Variants in ZKSCAN4 observed in about 807,000 individuals in gnomAD.
ZKSCAN4 encodes the protein zinc finger with KRAB and SCAN domains 4, also known as zinc finger protein with KRAB and SCAN domains 4.
In ZKSCAN4, 23 loss-of-function variants were observed where a neutral mutation model predicts 30.8. The ratio of observed to expected loss-of-function variants is 0.75; its 90% CI spans 0.54 to 1.06. The LOEUF (loss-of-function observed/expected upper bound fraction) is 1.06, where lower values mean the gene tolerates loss of function less well. Among genes scored for constraint, ZKSCAN4 ranks in the 50% least tolerant of loss-of-function variants. The probability of loss-of-function intolerance (pLI) is 0.00; values close to 1 mark genes in which losing one functional copy is unlikely to be tolerated. For missense variants in ZKSCAN4, 556 were observed against 665.4 expected (o/e 0.84, Z 1.81); for synonymous variants, 208 against 252.5 (o/e 0.82, Z 1.67).
chr6:28,258,150 A>T, the ZKSCAN4 span, among the ~76,000 whole-genome samples: 1 of 152,166 alleles, frequency 6.6e-6, no homozygotes. Context: ...ATTCAATTTA[A>T]TTTCCCCCAT....
In ZKSCAN4 at chr6:28,251,898, T is replaced by A. The variant is rs770425503; in HGVS notation, c.83A>T (p.Glu28Val). Residue 28 changes from glutamate (E) to valine (V), a missense_variant, in exon 1 of 5, where the codon GAG becomes GTG. Physicochemically the swap from Glu to Val is moderately radical, Grantham distance 121. This residue lies in a region of ZKSCAN4 where 115 missense variants were observed against 125.9 expected (regional missense o/e 0.91). Coordinates refer to ENST00000377294, the MANE Select transcript of ZKSCAN4 (RefSeq NM_019110.5). This position sits in a 1 kb window ranked among gnomAD's most constrained non-coding sequence, Gnocchi z 4.5. ...CGTCAAGGCGGAGGCTTCCTCCTTC[T>A]CCACCTTCACGGTCAGGAGCCCCGT... Reference protein sequence around the residue: ...DQTGLLTVKVEKEEASALTAE... With the variant: ...DQTGLLTVKVVKEEASALTAE... The A allele has an allele frequency of 1.9e-6, 3 of 1,539,122 alleles. No homozygotes were observed. Among genetic ancestry groups the A allele is most frequent in the Non-Finnish European group, 2.6e-6 (3 of 1,149,012 alleles).
upstream of ZKSCAN4, among the ~76,000 whole-genome samples, chr6:28,254,547 C>T (rs1371443712): frequency 6.6e-6 from 1 of 152,162 alleles, no homozygotes; most frequent in African/African-American, 2.4e-5. Context: ...CTGCCTCCTA[C>T]CTCATTCCTC....
Position 28,249,775 on chromosome 6 carries a change from T to C in ZKSCAN4, c.483A>G (p.Gln161=). ...LLCCKMALLT[Q]TQGSQSSQCQ... ...ACTGGCTACTTTGAGACCCTTGAGT[T>C]TGTGTCAATAGTGCCATCTTGCAAC... The change falls in exon 2 of 5, where the codon CAA becomes CAG. Residue 161 remains glutamine (Q), a synonymous_variant. Coordinates refer to ENST00000377294, the MANE Select transcript of ZKSCAN4 (RefSeq NM_019110.5). The surrounding 1 kb of genome is among the most constrained non-coding windows in gnomAD (Gnocchi z 4.1). The C allele has an allele frequency of 1.9e-6, 3 of 1,614,110 alleles. No homozygotes were observed. Among genetic ancestry groups the C allele is most frequent in the Non-Finnish European group, 2.5e-6 (3 of 1,180,016 alleles).
In ZKSCAN4 at chr6:28,251,453, A is replaced by T; in HGVS notation, c.423+105T>A. 6.3e-7 allele frequency: 1 copy of T among 1,585,004 alleles called. No individual in the cohort carries two copies. The highest frequency in any genetic ancestry group is 1.1e-5 in the South Asian group (1 of 87,950). On this transcript the variant is annotated intron_variant, in intron 1 of 4. Coordinates refer to ENST00000377294, the MANE Select transcript of ZKSCAN4 (RefSeq NM_019110.5). This position sits in a 1 kb window ranked among gnomAD's most constrained non-coding sequence, Gnocchi z 4.5. ...TGCCAAGGAGGTTCACAGTACAAAA[A>T]GAGATGAAGAACTCCTGGACCTTAA...
the ZKSCAN4 span, among the ~76,000 whole-genome samples, chr6:28,258,272 C>T: frequency 6.6e-6 from 1 of 152,208 alleles, no homozygotes; most frequent in East Asian, 1.9e-4. Flanking sequence ...GATGTTAATG[C>T]CTATTTACAT....
At chr6:28,258,790 G>A in the ZKSCAN4 span, among the ~76,000 whole-genome samples, 1 of 149,576 alleles carries the variant, frequency 6.7e-6, no homozygotes, top group South Asian at 2.1e-4. Flanking sequence ...AAAAAAGTAC[G>A]ACTTTGGCCT....
chr6:28,245,352 A>C lies in ZKSCAN4; in HGVS notation c.1402T>G (p.Trp468Gly). The change falls in exon 5 of 5, where the codon TGG becomes GGG. Residue 468 changes from tryptophan to glycine, a missense_variant. Physicochemically the swap from Trp to Gly is radical, Grantham distance 184 (BLOSUM62 -2). Coordinates refer to ENST00000377294, the MANE Select transcript of ZKSCAN4 (RefSeq NM_019110.5). Reference sequence around the variant, plus strand: ...CTTTCCGTCCTACCCTGACTTTCCCAGGACTCCCCGTGCTCAGGATTCTGA... The same window carrying C: ...CTTTCCGTCCTACCCTGACTTTCCCCGGACTCCCCGTGCTCAGGATTCTGA... ...NVQNPEHGES[W>G]ESQGRTESQW... The C allele has an allele frequency of 6.2e-7, 1 of 1,614,190 alleles. No individual in the cohort carries two copies. Among genetic ancestry groups the C allele is most frequent in the Non-Finnish European group, 8.5e-7 (1 of 1,180,028 alleles).
Position 28,244,066 on chromosome 6 carries a change from A to C in ZKSCAN4, c.*1050T>G, listed in dbSNP as rs187476230. On this transcript the variant is annotated 3_prime_UTR_variant, in exon 5 of 5. Transcript: ENST00000377294. Reference sequence around the variant, plus strand: ...TCCCCAACTGACAGGGCAGTTTTGAAACCATGAATAATAATTATAAATATT... The same window carrying C: ...TCCCCAACTGACAGGGCAGTTTTGACACCATGAATAATAATTATAAATATT... Among the ~76,000 whole-genome samples the C allele has an allele frequency of 3.9e-3, 587 of 152,314 alleles. 3 individuals are homozygous for C. Among genetic ancestry groups the C allele is most frequent in the Middle Eastern group, 0.01 (3 of 294 alleles).
chr6:28,247,761 G>A (rs1232529979), intron 3 of ZKSCAN4, among the ~76,000 whole-genome samples: 1 of 152,200 alleles, frequency 6.6e-6, no homozygotes, highest in African/African-American at 2.4e-5. Flanking sequence ...GTTTGCTTTT[G>A]CGGAACTGCC....
rs549028331 is a variant in ZKSCAN4, at chr6:28,244,153, G to A, written c.*963C>T. On this transcript the variant is annotated 3_prime_UTR_variant, in exon 5 of 5. Coordinates refer to ENST00000377294, the MANE Select transcript of ZKSCAN4 (RefSeq NM_019110.5). ...TAGCTGGCATAAGCCTTGATGCACA[G>A]TCAGCTATAAACTGGGGAAGAGGGA... Among the ~76,000 whole-genome samples the A allele has an allele frequency of 6.6e-6, 1 of 152,296 alleles. No individual in the cohort carries two copies. Among genetic ancestry groups the A allele is most frequent in the Admixed American group, 6.5e-5 (1 of 15,308 alleles).
At position 28,251,454 on chromosome 6, in the gene ZKSCAN4, G is replaced by C. The variant is rs1192380475; in HGVS notation, c.423+104C>G. On this transcript the variant is annotated intron_variant, in intron 1 of 4. Transcript: ENST00000377294. The surrounding 1 kb of genome is among the most constrained non-coding windows in gnomAD (Gnocchi z 4.5). The stretch of plus-strand genomic sequence containing the variant: ...GCCAAGGAGGTTCACAGTACAAAAA[G>C]AGATGAAGAACTCCTGGACCTTAAA... The C allele has an allele frequency of 4.4e-6, 7 of 1,586,456 alleles. No homozygotes were observed. The highest frequency in any genetic ancestry group is 3.3e-4 in the Middle Eastern group (2 of 6,046).
chr6:28,247,493 A>G (rs554394020), intron 3 of ZKSCAN4, among the ~76,000 whole-genome samples: 11 of 98,914 alleles, frequency 1.1e-4, no homozygotes, highest in African/African-American at 5.1e-4. Flanking sequence ...AAATTAGGGG[A>G]AAAAAAGGAT....
At chr6:28,254,966 C>T (rs1227553451), upstream of ZKSCAN4, among the ~76,000 whole-genome samples, 2 of 152,156 alleles carry the variant, frequency 1.3e-5, no homozygotes, top group East Asian at 1.9e-4. Context: ...ATATGTAACC[C>T]GGTATCTTGC....
chr6:28,248,002 T>C, intron 3 of ZKSCAN4, 65 bp downstream of exon 3: 1 of 1,243,152 alleles, frequency 8.0e-7, no homozygotes, highest in Non-Finnish European at 1.1e-6. Flanking sequence ...GGGAGGAACT[T>C]AATGCGGAGC....
At chr6:28,247,138 C>G in intron 3 of ZKSCAN4, 46 bp from the exon 4 acceptor site, 1 of 1,527,010 alleles carries the variant, frequency 6.5e-7, no homozygotes, top group Non-Finnish European at 8.8e-7. Context: ...CCCAAAATTA[C>G]CCCCAAAGCA....
chr6:28,250,527 G>A (rs1010393013), intron 1 of ZKSCAN4, among the ~76,000 whole-genome samples: 37 of 140,002 alleles, frequency 2.6e-4, no homozygotes, highest in Non-Finnish European at 5.1e-4. Context: ...AAACCCTTTG[G>A]ACACTGGTGC....
rs1389331474 is a variant in ZKSCAN4, at chr6:28,251,157, C to T, written c.423+401G>A. On this transcript the variant is annotated intron_variant, in intron 1 of 4. Coordinates refer to ENST00000377294, the MANE Select transcript of ZKSCAN4 (RefSeq NM_019110.5). This position sits in a 1 kb window ranked among gnomAD's most constrained non-coding sequence, Gnocchi z 4.5. Reference sequence around the variant, plus strand: ...AAGGTAGCATAAGCAGTACCCAGGACTTTGTCACCAACAAAACCTGCACGT... The same window carrying T: ...AAGGTAGCATAAGCAGTACCCAGGATTTTGTCACCAACAAAACCTGCACGT... Among the ~76,000 whole-genome samples the T allele has an allele frequency of 6.6e-6, 1 of 152,178 alleles. No homozygotes were observed. Among genetic ancestry groups the T allele is most frequent in the Non-Finnish European group, 1.5e-5 (1 of 68,036 alleles).
chr6:28,246,850 A>G, intron 4 of ZKSCAN4, 119 bp downstream of exon 4: 1 of 1,250,422 alleles, frequency 8.0e-7, no homozygotes, highest in Non-Finnish European at 1.1e-6. Context: ...ACAGGCTTTC[A>G]GGAATGGTGA....
chr6:28,251,865 ACCTCCGCCGTCAAGGCGGAGGCTT>A lies in ZKSCAN4; in HGVS notation c.92_115del (p.Glu31_Glu38del). On this transcript the variant is annotated inframe_deletion, in exon 1 of 5. Coordinates refer to ENST00000377294, the MANE Select transcript of ZKSCAN4 (RefSeq NM_019110.5). The surrounding 1 kb of genome is among the most constrained non-coding windows in gnomAD (Gnocchi z 4.5). The stretch of plus-strand genomic sequence containing the variant: ...CCGAGCAGGGCTGCAGGGTGCTCTC[ACCTCCGCCGTCAAGGCGGAGGCTT>A]CCTCCTTCTCCACCTTCACGGTCAG... 1 of 1,564,160 alleles carries A rather than the reference ACCTCCGCCGTCAAGGCGGAGGCTT, an allele frequency of 6.4e-7. No individual in the cohort carries two copies. Among genetic ancestry groups the A allele is most frequent in the Non-Finnish European group, 8.6e-7 (1 of 1,159,724 alleles).
Sources: allele counts gnomAD v4.1 joint callset (sites outside exome capture counted in the v4.1 genomes callset), GRCh38; gene constraint gnomAD v4.1.1; regional missense constraint gnomAD v4.1.1; non-coding constraint Gnocchi (gnomAD v3.1); transcripts MANE v1.5; gene names NCBI Gene and HGNC (gene_info 2026-07-23, HGNC 2026-07-21).